RALB: variants seen among roughly 807,000 people sequenced by gnomAD.
The protein encoded by RALB is ras-related protein Ral-B.
A neutral mutation model predicts 21.3 loss-of-function variants in RALB; 16 were observed. That is an observed-to-expected ratio of 0.75 (90% CI 0.51 to 1.14). The LOEUF (loss-of-function observed/expected upper bound fraction) is 1.14, where lower values mean the gene tolerates loss of function less well. Among genes scored for constraint, RALB ranks in the 50% most tolerant of loss-of-function variants. RALB has a pLI of 0.00. For synonymous variants in RALB, 93 were observed against 96.1 expected (o/e 0.97, Z 0.19); for missense variants, 161 against 256.2 (o/e 0.63, Z 2.54).
At chr2:120,292,635 C>G (rs1288192356) in intron 4 of RALB, among the ~76,000 whole-genome samples, 4 of 152,136 alleles carry the variant, frequency 2.6e-5, no homozygotes, top group Non-Finnish European at 5.9e-5. Flanking sequence ...CTTCATCACA[C>G]TTATTGTAAG....
At chr2:120,284,847 A>G (rs1464222298) in intron 2 of RALB, among the ~76,000 whole-genome samples, 1 of 152,084 alleles carries the variant, frequency 6.6e-6, no homozygotes, top group African/African-American at 2.4e-5. Context: ...GGATTTGCCT[A>G]TTCTGGACAT....
chr2:120,283,596 G>A (rs1317819275), intron 2 of RALB, among the ~76,000 whole-genome samples: 1 of 152,228 alleles, frequency 6.6e-6, no homozygotes, highest in Non-Finnish European at 1.5e-5. Context: ...CAGATTTTAA[G>A]CTCCTTATGC....
At chr2:120,279,756 C>T (rs913294043) in intron 2 of RALB, among the ~76,000 whole-genome samples, 6 of 152,140 alleles carry the variant, frequency 3.9e-5, no homozygotes, top group Non-Finnish European at 7.3e-5. Flanking sequence ...ACTTGCATTG[C>T]GGCCACATGG....
chr2:120,284,035 G>A (rs1299209112), intron 2 of RALB, among the ~76,000 whole-genome samples: 1 of 152,186 alleles, frequency 6.6e-6, no homozygotes, highest in African/African-American at 2.4e-5. Flanking sequence ...ATACAGTTGA[G>A]ATAATTTATG....
Position 120,278,683 on chromosome 2 carries a change from A to G in RALB, c.19A>G (p.Lys7Glu). Reference protein sequence around the residue: MAANKSKGQSSLALHKV... With the variant: MAANKSEGQSSLALHKV... ...CAGCGAGATGGCTGCCAACAAGAGTAAGGGCCAGAGCTCCTTGGCCCTCCA... is the reference window on the plus strand; with the variant it reads ...CAGCGAGATGGCTGCCAACAAGAGTGAGGGCCAGAGCTCCTTGGCCCTCCA... Residue 7 changes from lysine (K) to glutamate (E), a missense_variant, in exon 2 of 5, where the codon AAG becomes GAG. Coordinates refer to ENST00000272519, the MANE Select transcript of RALB (RefSeq NM_002881.3). 6.3e-7 allele frequency: 1 copy of G among 1,598,186 alleles called. No individual in the cohort carries two copies. Among genetic ancestry groups the G allele is most frequent in the Non-Finnish European group, 8.5e-7 (1 of 1,171,574 alleles).
At chr2:120,287,675 C>A (rs1690199313) in intron 3 of RALB, among the ~76,000 whole-genome samples, 1 of 152,220 alleles carries the variant, frequency 6.6e-6, no homozygotes, top group Non-Finnish European at 1.5e-5. Context: ...TCCTCAGTCA[C>A]CACACATGCA....
chr2:120,252,717 G>T, upstream of RALB: 1 of 947,294 alleles, frequency 1.1e-6, no homozygotes, highest in Non-Finnish European at 1.3e-6. Flanking sequence ...CCCGCTGCTT[G>T]GAAAATCAGC....
intron 1 of RALB, among the ~76,000 whole-genome samples, chr2:120,273,489 A>G (rs1039787140): frequency 1.3e-5 from 2 of 152,216 alleles, no homozygotes; most frequent in African/African-American, 4.8e-5. Context: ...GATTATAGGA[A>G]GGAGGCCTAT....
intron 1 of RALB, among the ~76,000 whole-genome samples, chr2:120,257,013 C>T (rs1370379): frequency 0.69 from 105,703 of 152,144 alleles, 37,303 homozygotes; most frequent in Middle Eastern, 0.8. Context: ...TTCTTTCTTC[C>T]GGTTCTTTGT....
At chr2:120,251,099 G>A (rs3806491), upstream of RALB, among the ~76,000 whole-genome samples, 74,458 of 152,094 alleles carry the variant, frequency 0.49, 19,343 homozygotes, top group Middle Eastern at 0.7. Context: ...AGGGGATGGG[G>A]GGCAGGTGGG....
chr2:120,287,972 G>A (rs142126571), intron 3 of RALB, among the ~76,000 whole-genome samples: 2 of 152,232 alleles, frequency 1.3e-5, no homozygotes, highest in African/African-American at 2.4e-5. Context: ...AAATAGAAAG[G>A]CCCCAATATA....
chr2:120,275,349 A>T (rs1689764052), intron 1 of RALB, among the ~76,000 whole-genome samples: 2 of 152,218 alleles, frequency 1.3e-5, no homozygotes, highest in Admixed American at 1.3e-4. Context: ...AACTGCAGGA[A>T]CTGCCGCTCT....
At chr2:120,292,484 C>T in intron 4 of RALB, among the ~76,000 whole-genome samples, 1 of 152,106 alleles carries the variant, frequency 6.6e-6, no homozygotes, top group East Asian at 1.9e-4. Flanking sequence ...GTCAAGAGCA[C>T]CTGGGAGCAG....
At chr2:120,255,100 G>A (rs1216659812) in intron 1 of RALB, among the ~76,000 whole-genome samples, 1 of 152,156 alleles carries the variant, frequency 6.6e-6, no homozygotes, top group East Asian at 1.9e-4. Context: ...TTTCTTGAAA[G>A]CTAAATTTGG....
intron 1 of RALB, among the ~76,000 whole-genome samples, chr2:120,246,462 G>T (rs185790666): frequency 6.6e-6 from 1 of 152,258 alleles, no homozygotes; most frequent in Non-Finnish European, 1.5e-5. Context: ...AGTGAGAATT[G>T]CTGTGAGGGG....
At chr2:120,260,471 G>A (rs1460187683) in intron 1 of RALB, among the ~76,000 whole-genome samples, 1 of 152,284 alleles carries the variant, frequency 6.6e-6, no homozygotes. Flanking sequence ...GGGGCCAGGA[G>A]AGCGGTCAGG....
chr2:120,292,757 G>T (rs1222031839), intron 4 of RALB, among the ~76,000 whole-genome samples: 2 of 151,842 alleles, frequency 1.3e-5, no homozygotes, highest in African/African-American at 4.8e-5. Flanking sequence ...TTCAAGACCC[G>T]CCTGGGCAAT....
chr2:120,253,424 C>G, intron 1 of RALB: 12 of 985,620 alleles, frequency 1.2e-5, no homozygotes, highest in Non-Finnish European at 1.4e-5. Context: ...GGGCGGTGTT[C>G]CTAAAGGGCT....
chr2:120,242,594 C>A (rs1234923662), intron 1 of RALB, among the ~76,000 whole-genome samples: 1 of 151,888 alleles, frequency 6.6e-6, no homozygotes, highest in South Asian at 2.1e-4. Context: ...CAAAATTAGC[C>A]GGGCGTGGTG....
Sources: allele counts gnomAD v4.1 joint callset (sites outside exome capture counted in the v4.1 genomes callset), GRCh38; gene constraint gnomAD v4.1.1; transcripts MANE v1.5; gene names NCBI Gene and HGNC (gene_info 2026-07-23, HGNC 2026-07-21).